Variants in PREX1 observed in about 807,000 individuals in gnomAD.
PREX1 encodes phosphatidylinositol-3,4,5-trisphosphate dependent Rac exchange factor 1.
Under a neutral mutation model 198.3 loss-of-function variants are expected in PREX1, and 41 were observed. The observed-to-expected ratio is 0.21, with a 90% confidence interval of 0.16 to 0.27. The LOEUF (loss-of-function observed/expected upper bound fraction) is 0.27. Among genes scored for constraint, PREX1 ranks in the 10% least tolerant of loss-of-function variants. The pLI, the probability that PREX1 is intolerant of heterozygous loss-of-function variation, is 1.00. For missense variants in PREX1, 1,620 were observed against 2,200.7 expected (o/e 0.74, Z 5.28); for synonymous variants, 843 against 887.2 (o/e 0.95, Z 0.89).
At chr20:48,695,578 C>G (rs935441509) in intron 7 of PREX1, among the ~76,000 whole-genome samples, 6 of 152,210 alleles carry the variant, frequency 3.9e-5, no homozygotes, top group African/African-American at 7.2e-5. Context: ...TCCTCTATAA[C>G]TGGTATTTTA....
Position 48,733,705 on chromosome 20 carries a change from C to CTGTTGTTGTTGTTGTTGTTGTTGTTGT in PREX1, c.519+840_519+841insACAACAACAACAACAACAACAACAACA, listed in dbSNP as rs71337454. 9.4e-4 allele frequency among the ~76,000 whole-genome samples: 142 copies of CTGTTGTTGTTGTTGTTGTTGTTGTTGT among 151,198 alleles called. 1 individual carries two copies. The highest frequency in any genetic ancestry group is 2.7e-3 in the East Asian group (14 of 5,140). On this transcript the variant is annotated intron_variant, in intron 4 of 39. Coordinates refer to ENST00000371941, the MANE Select transcript of PREX1 (RefSeq NM_020820.4). Reference sequence around the variant, plus strand: ...GTAAATCCCTCTGTTGTTGTTGTTGCTGTTGTTGTTGTTGTTGTTTTGCTT... The same window carrying CTGTTGTTGTTGTTGTTGTTGTTGTTGT: ...GTAAATCCCTCTGTTGTTGTTGTTGCTGTTGTTGTTGTTGTTGTTGTTGTTGTTGTTGTTGTTGTTGTTGTTTTGCTT...
intron 33 of PREX1, among the ~76,000 whole-genome samples, chr20:48,634,250 G>C (rs1417182544): frequency 6.6e-6 from 1 of 151,918 alleles, no homozygotes; most frequent in African/African-American, 2.4e-5. Flanking sequence ...TAGACACAGA[G>C]AGAAAGACAG....
intron 7 of PREX1, among the ~76,000 whole-genome samples, chr20:48,693,935 A>G (rs1204107361): frequency 1.5e-5 from 2 of 137,202 alleles, no homozygotes; most frequent in African/African-American, 2.8e-5. Flanking sequence ...TTTTTGAGAT[A>G]GAGTCTCATT....
chr20:48,756,097 T>C (rs1183439793), intron 1 of PREX1, among the ~76,000 whole-genome samples: 1 of 152,102 alleles, frequency 6.6e-6, no homozygotes, highest in African/African-American at 2.4e-5. Context: ...AAATATGAGA[T>C]GGAAAGATTT....
chr20:48,862,965 T>C, the PREX1 span, among the ~76,000 whole-genome samples: 5 of 151,372 alleles, frequency 3.3e-5, no homozygotes, highest in Admixed American at 2.0e-4. Flanking sequence ...GCTGGGACTA[T>C]AGGCATACAC....
At chr20:48,884,166 G>A in the PREX1 span, among the ~76,000 whole-genome samples, 1 of 150,772 alleles carries the variant, frequency 6.6e-6, no homozygotes, top group Admixed American at 6.6e-5. Flanking sequence ...AATCCCAGCT[G>A]GTTTCTTTTT....
the PREX1 span, among the ~76,000 whole-genome samples, chr20:48,879,332 C>T: frequency 6.6e-6 from 1 of 152,138 alleles, no homozygotes; most frequent in African/African-American, 2.4e-5. Context: ...AATGTTTAAA[C>T]TTATCTATAA....
intron 35 of PREX1, among the ~76,000 whole-genome samples, chr20:48,631,222 T>C (rs1176364711): frequency 6.6e-6 from 1 of 152,216 alleles, no homozygotes; most frequent in Non-Finnish European, 1.5e-5. Flanking sequence ...CTTTGTGCAC[T>C]GGAAAGTCTC....
chr20:48,725,631 C>A (rs762537265), intron 5 of PREX1, among the ~76,000 whole-genome samples: 4 of 152,244 alleles, frequency 2.6e-5, no homozygotes, highest in Non-Finnish European at 4.4e-5. Context: ...TCACTCATGG[C>A]CTGTGGGACC....
chr20:48,884,975 C>A, the PREX1 span, among the ~76,000 whole-genome samples: 1 of 152,100 alleles, frequency 6.6e-6, no homozygotes, highest in Non-Finnish European at 1.5e-5. Context: ...ATGAAAGAGC[C>A]TGACCACCTG....
At chr20:48,832,632 A>ACTCAAATCAACGCTGGACAC (rs2090539597), upstream of PREX1, among the ~76,000 whole-genome samples, 1 of 152,160 alleles carries the variant, frequency 6.6e-6, no homozygotes, top group East Asian at 1.9e-4. Context: ...CAGCTGGACA[A>ACTCAAATCAACGCTGGACAC]CTCAAATCAA....
chr20:48,720,934 C>A (rs1280817090), intron 5 of PREX1, among the ~76,000 whole-genome samples: 1 of 152,136 alleles, frequency 6.6e-6, no homozygotes. Flanking sequence ...AGACCCAAGG[C>A]TGTACCCCAA....
In PREX1 at chr20:48,680,799, A is replaced by G. The variant is rs559288602; in HGVS notation, c.1435+436T>C. On this transcript the variant is annotated intron_variant, in intron 11 of 39. Transcript: ENST00000371941. ...TTACCCTCCTTCCCTAGCACCTATC[A>G]TGTTTTACTATCTTGCTTTGTAAAG... Among the ~76,000 whole-genome samples, 33 of 151,698 alleles carry G rather than the reference A, an allele frequency of 2.2e-4. No individual in the cohort carries two copies. The East Asian group carries it at 6.2e-3, about 29-fold the overall frequency.
At chr20:48,647,950 G>A (rs1424892424) in intron 25 of PREX1, among the ~76,000 whole-genome samples, 1 of 152,178 alleles carries the variant, frequency 6.6e-6, no homozygotes, top group East Asian at 1.9e-4. Context: ...CTTTCACCCA[G>A]GCTGGAGTGC....
At chr20:48,637,623 C>G (rs561982263) in intron 31 of PREX1, 88 bp downstream of exon 31, 12 of 1,329,848 alleles carry the variant, frequency 9.0e-6, no homozygotes, top group Admixed American at 5.3e-5. Flanking sequence ...TTGCCTCCCC[C>G]CGTCCAGGCC....
In PREX1 at chr20:48,661,137, C is replaced by G. The variant is rs188627646; in HGVS notation, c.1739-1076G>C. On this transcript the variant is annotated intron_variant, in intron 15 of 39. Transcript: ENST00000371941. ...TTTACATAAAAAAATATACTGACGC[C>G]GGCCAGAGGCGGTGGCTCCGCCTGT... 1.6e-3 allele frequency among the ~76,000 whole-genome samples: 242 copies of G among 152,092 alleles called. 2 individuals carry two copies. The highest frequency in any genetic ancestry group is 5.7e-3 in the African/African-American group (237 of 41,472).
At chr20:48,697,897 C>T (rs2089855197) in intron 7 of PREX1, among the ~76,000 whole-genome samples, 1 of 152,196 alleles carries the variant, frequency 6.6e-6, no homozygotes, top group Admixed American at 6.5e-5. Context: ...AGAGACCTCC[C>T]CTGACCCATA....
At chr20:48,849,159 AGAAAAT>A in the PREX1 span, among the ~76,000 whole-genome samples, 132 of 152,334 alleles carry the variant, frequency 8.7e-4, 1 homozygote, top group African/African-American at 3.0e-3. Context: ...AGCATGTAGA[AGAAAAT>A]GAAAATCACC....
intron 1 of PREX1, among the ~76,000 whole-genome samples, chr20:48,809,999 C>T (rs1170411861): frequency 2.0e-5 from 3 of 152,334 alleles, no homozygotes; most frequent in Admixed American, 2.0e-4. Context: ...AGAAGGACCA[C>T]TCACAAACTG....
Sources: gnomAD v4.1 joint callset for allele counts (sites outside exome capture counted in the v4.1 genomes callset) on GRCh38, gnomAD v4.1.1 for gene constraint, MANE v1.5 for transcripts, NCBI Gene and HGNC (gene_info 2026-07-23, HGNC 2026-07-21) for gene names.